TENM1: variants seen among roughly 807,000 people sequenced by gnomAD.
TENM1 encodes teneurin-1.
TENM1 carries 35 observed loss-of-function variants against 174.8 expected under a neutral mutation model. The ratio of observed to expected loss-of-function variants is 0.20; its 90% CI spans 0.15 to 0.27. The LOEUF (loss-of-function observed/expected upper bound fraction) is 0.27, where lower values mean the gene tolerates loss of function less well. TENM1 is among the 10% of genes least tolerant of loss of function. TENM1 has a pLI of 1.00. For synonymous variants in TENM1, 781 were observed against 798.7 expected (o/e 0.98, Z 0.37); for missense variants, 1,633 against 2,130.1 (o/e 0.77, Z 4.59).
chrX:124,815,688 AC>A (rs1222490926), intron 3 of TENM1, among the ~76,000 whole-genome samples: 10 of 111,212 alleles, frequency 9.0e-5, no homozygotes, highest in Non-Finnish European at 1.9e-4. Flanking sequence ...AAAAAAGAGT[AC>A]TTTAGTTGAA....
chrX:124,768,983 G>A (rs2054592466), intron 3 of TENM1, among the ~76,000 whole-genome samples: 1 of 111,860 alleles, frequency 8.9e-6, no homozygotes, highest in African/African-American at 3.2e-5. Context: ...GATATTAGCA[G>A]GTCATATTGT....
At chrX:124,727,795 C>A (rs1369541504) in intron 4 of TENM1, among the ~76,000 whole-genome samples, 1 of 111,047 alleles carries the variant, frequency 9.0e-6, no homozygotes, top group African/African-American at 3.3e-5. Context: ...AATGAGGGTG[C>A]AAATTTCATG....
At chrX:125,140,432 G>A in the TENM1 span, among the ~76,000 whole-genome samples, 1 of 111,839 alleles carries the variant, frequency 8.9e-6, no homozygotes, top group South Asian at 3.7e-4. Context: ...CAGAGGCTGG[G>A]AAGGGTGTGT....
intron 4 of TENM1, among the ~76,000 whole-genome samples, chrX:124,717,729 T>C (rs112398659): frequency 0.018 from 2,059 of 111,965 alleles, 57 homozygotes; most frequent in African/African-American, 0.064. Context: ...AGTAACTAGA[T>C]AATTTTCCAT....
chrX:124,554,108 T>TC (rs1428021001), intron 14 of TENM1, among the ~76,000 whole-genome samples: 1 of 108,994 alleles, frequency 9.2e-6, no homozygotes, highest in Non-Finnish European at 1.9e-5. Context: ...GACTCCATCC[T>TC]CCCCCCCAAA....
intron 8 of TENM1, among the ~76,000 whole-genome samples, chrX:124,649,665 A>G (rs2051247373): frequency 8.9e-6 from 1 of 112,210 alleles, no homozygotes; most frequent in African/African-American, 3.2e-5. Flanking sequence ...ACTGGAAAAT[A>G]ATATATAATA....
At chrX:124,955,159 TTCTC>T (rs752859626) in intron 1 of TENM1, among the ~76,000 whole-genome samples, 2 of 111,940 alleles carry the variant, frequency 1.8e-5, no homozygotes, top group African/African-American at 6.5e-5. Flanking sequence ...GTTGGCATCT[TTCTC>T]TAATATTATT....
At chrX:124,657,823 G>A (rs1460857426) in intron 6 of TENM1, among the ~76,000 whole-genome samples, 2 of 111,762 alleles carry the variant, frequency 1.8e-5, no homozygotes, top group Admixed American at 1.9e-4. Flanking sequence ...AAAGACATTT[G>A]CAAGTTTCAC....
intron 1 of TENM1, among the ~76,000 whole-genome samples, chrX:124,945,934 T>C (rs777822315): frequency 5.1e-4 from 57 of 112,100 alleles, no homozygotes; most frequent in African/African-American, 1.7e-3. Flanking sequence ...GGGCACCCTC[T>C]GAAGAGCTTG....
chrX:125,162,821 C>T, the TENM1 span, among the ~76,000 whole-genome samples: 4 of 111,510 alleles, frequency 3.6e-5, no homozygotes, highest in Non-Finnish European at 7.5e-5. Context: ...AATCTCACAA[C>T]CCCAACAGTT....
At chrX:125,018,027 A>G in the TENM1 span, among the ~76,000 whole-genome samples, 3 of 112,092 alleles carry the variant, frequency 2.7e-5, no homozygotes, top group Non-Finnish European at 5.6e-5. Flanking sequence ...TAAAAAAATT[A>G]AATTTAAAAA....
intron 3 of TENM1, among the ~76,000 whole-genome samples, chrX:124,820,733 G>A (rs1205828714): frequency 8.9e-6 from 1 of 112,262 alleles, no homozygotes; most frequent in Non-Finnish European, 1.9e-5. Context: ...CCCTCATAGT[G>A]CAGGTGGGTA....
At chrX:124,859,479 G>C (rs2056872407) in intron 3 of TENM1, among the ~76,000 whole-genome samples, 2 of 107,102 alleles carry the variant, frequency 1.9e-5, no homozygotes, top group South Asian at 4.3e-4. Context: ...GGGTGGCAGA[G>C]GTTGCGGTGA....
rs775701772 is a variant in TENM1 at position 124,757,383 on chromosome X, A to G, written c.536-20186T>C. Among the ~76,000 whole-genome samples, 88 of 112,445 alleles carry G rather than the reference A, an allele frequency of 7.8e-4. 2 individuals are homozygous for G. The highest frequency in any genetic ancestry group is 2.7e-3 in the African/African-American group (84 of 30,928). On this transcript the variant is annotated intron_variant, in intron 3 of 31. Transcript: ENST00000422452. ...TGGGGTGGAAGTGACCCGATTTTCCAGGTGCCGTCTATCACCCCTTTCTTT... is the reference window on the plus strand; with the variant it reads ...TGGGGTGGAAGTGACCCGATTTTCCGGGTGCCGTCTATCACCCCTTTCTTT...
intron 3 of TENM1, among the ~76,000 whole-genome samples, chrX:124,821,828 T>C (rs1314548409): frequency 1.8e-5 from 2 of 112,126 alleles, no homozygotes; most frequent in Non-Finnish European, 3.8e-5. Context: ...TTCTATTCCA[T>C]GGGAATAGTG....
the TENM1 span, among the ~76,000 whole-genome samples, chrX:125,122,040 T>C: frequency 8.9e-6 from 1 of 112,074 alleles, no homozygotes; most frequent in Non-Finnish European, 1.9e-5. Flanking sequence ...TGCCACTGCA[T>C]TCCAGCCTGG....
intron 22 of TENM1, among the ~76,000 whole-genome samples, chrX:124,477,331 A>G (rs186200260): frequency 9.6e-4 from 108 of 112,539 alleles, no homozygotes; most frequent in African/African-American, 3.3e-3. Flanking sequence ...AATCTGAGAA[A>G]TGGTTTTAAT....
intron 5 of TENM1, among the ~76,000 whole-genome samples, 156 bp from the exon 9 acceptor site, chrX:124,671,991 C>T (rs988844702): frequency 4.5e-5 from 5 of 112,258 alleles, no homozygotes; most frequent in Non-Finnish European, 7.5e-5. Context: ...CATGTAGCTA[C>T]TTACATGCTA....
At chrX:125,142,649 C>T in the TENM1 span, among the ~76,000 whole-genome samples, 1 of 111,418 alleles carries the variant, frequency 9.0e-6, no homozygotes. Flanking sequence ...ACAGGCAAGC[C>T]TGGACTGCAA....
Sources: gnomAD v4.1 joint callset for allele counts (sites outside exome capture counted in the v4.1 genomes callset) on GRCh38, gnomAD v4.1.1 for gene constraint, MANE v1.5 for transcripts, NCBI Gene and HGNC (gene_info 2026-07-23, HGNC 2026-07-21) for gene names.